The following CLDN10 variants were observed in gnomAD, a reference collection of about 807,000 sequenced individuals.
CLDN10 encodes the protein claudin 10.
Under a neutral mutation model 22.9 loss-of-function variants are expected in CLDN10, and 15 were observed. That is an observed-to-expected ratio of 0.65 (90% CI 0.44 to 1.01). The LOEUF is 1.01. CLDN10 is among the 50% of genes least tolerant of loss of function. The pLI, the probability that CLDN10 is intolerant of heterozygous loss-of-function variation, is 0.00. For synonymous variants in CLDN10, 114 were observed against 111.4 expected (o/e 1.02, Z -0.15); for missense variants, 247 against 287.8 (o/e 0.86, Z 1.03).
chr13:95,472,086 T>C (rs1225155301), intron 1 of CLDN10, among the ~76,000 whole-genome samples: 1 of 152,044 alleles, frequency 6.6e-6, no homozygotes, highest in Non-Finnish European at 1.5e-5. Flanking sequence ...GCCCAGCCTA[T>C]GGATATATTC....
chr13:95,461,267 A>G (rs1389480592), intron 1 of CLDN10, among the ~76,000 whole-genome samples: 2 of 152,144 alleles, frequency 1.3e-5, no homozygotes, highest in Admixed American at 6.5e-5. Context: ...GTTCTTAAAT[A>G]ATAGTGTGAC....
At chr13:95,551,016 GTGAACCTAACATGA>G (rs2043559335), upstream of CLDN10, among the ~76,000 whole-genome samples, 1 of 151,922 alleles carries the variant, frequency 6.6e-6, no homozygotes, top group Non-Finnish European at 1.5e-5. Context: ...TAGTTTACCA[GTGAACCTAACATGA>G]TACATCAGGA....
intron 1 of CLDN10, among the ~76,000 whole-genome samples, chr13:95,501,157 G>A (rs1298831111): frequency 2.0e-5 from 3 of 152,020 alleles, no homozygotes; most frequent in Non-Finnish European, 4.4e-5. Context: ...GGGATTACAA[G>A]TTCATGCCAC....
At chr13:95,476,544 G>T (rs1447294134) in intron 1 of CLDN10, among the ~76,000 whole-genome samples, 2 of 152,134 alleles carry the variant, frequency 1.3e-5, no homozygotes, top group Non-Finnish European at 2.9e-5. Context: ...TTGGGCATTT[G>T]GATTTCAACG....
chr13:95,563,122 CTCTCTCTCTCTCTG>C (rs2043739321), intron 3 of CLDN10, among the ~76,000 whole-genome samples: 1 of 151,652 alleles, frequency 6.6e-6, no homozygotes, highest in African/African-American at 2.4e-5. Context: ...CTCTCTCTCT[CTCTCTCTCTCTCTG>C]TCTGTATTCT....
intron 1 of CLDN10, among the ~76,000 whole-genome samples, chr13:95,518,880 C>A (rs769145322): frequency 3.3e-5 from 5 of 152,186 alleles, no homozygotes; most frequent in Non-Finnish European, 5.9e-5. Flanking sequence ...GTGATCAGCG[C>A]TATAGAATAT....
intron 1 of CLDN10, 85 bp from the exon 2 acceptor site, chr13:95,560,047 C>A: frequency 5.4e-6 from 7 of 1,290,840 alleles, no homozygotes; most frequent in Non-Finnish European, 6.5e-6. Flanking sequence ...GGAAAACAAA[C>A]ATCCAGAATG....
chr13:95,523,905 A>G (rs952288672), intron 1 of CLDN10, among the ~76,000 whole-genome samples: 2 of 152,160 alleles, frequency 1.3e-5, no homozygotes, highest in African/African-American at 2.4e-5. Context: ...TTCCCTTCTC[A>G]GTTGTGTCAA....
intron 1 of CLDN10, among the ~76,000 whole-genome samples, chr13:95,470,827 A>G (rs1366133398): frequency 6.6e-6 from 1 of 152,158 alleles, no homozygotes; most frequent in Admixed American, 6.5e-5. Flanking sequence ...TTCTCAGCCC[A>G]ACGGTGAAAG....
chr13:95,439,401 G>A (rs1451381713), intron 1 of CLDN10, among the ~76,000 whole-genome samples: 1 of 150,906 alleles, frequency 6.6e-6, no homozygotes, highest in East Asian at 1.9e-4. Context: ...TTGGAGTGCA[G>A]TAGTGCAATC....
intron 1 of CLDN10, among the ~76,000 whole-genome samples, chr13:95,542,697 C>T (rs982385719): frequency 6.6e-5 from 10 of 151,980 alleles, no homozygotes; most frequent in African/African-American, 1.2e-4. Flanking sequence ...GTTGCAGCTA[C>T]TCGGGGGGCT....
rs550233579 is a variant in CLDN10 at position 95,572,161 on chromosome 13, G to C, written c.465-5070G>C. Among the ~76,000 whole-genome samples, 22 of 152,186 alleles carry C rather than the reference G, an allele frequency of 1.4e-4. No individual in the cohort carries two copies. The East Asian group carries it at 4.2e-3, about 29-fold the overall frequency. On this transcript the variant is annotated intron_variant, in intron 3 of 4. Transcript: ENST00000299339. Reference sequence around the variant, plus strand: ...TGTGCCGGAAGAAAAGGCAGCCCGAGGGCATTCAGAAAAAAATCCTGTGCC... The same window carrying C: ...TGTGCCGGAAGAAAAGGCAGCCCGACGGCATTCAGAAAAAAATCCTGTGCC...
At chr13:95,531,634 G>A (rs189235745) in intron 1 of CLDN10, among the ~76,000 whole-genome samples, 6 of 151,582 alleles carry the variant, frequency 4.0e-5, no homozygotes, top group East Asian at 1.9e-4. Flanking sequence ...GGGTTCAAGC[G>A]ATTCTTCTAC....
At chr13:95,447,357 G>C (rs2042390741) in intron 1 of CLDN10, among the ~76,000 whole-genome samples, 2 of 152,284 alleles carry the variant, frequency 1.3e-5, no homozygotes, top group South Asian at 4.2e-4. Flanking sequence ...CGCGGCGCCT[G>C]GTTCTGTGTT....
At chr13:95,487,660 A>G (rs977382509) in intron 1 of CLDN10, among the ~76,000 whole-genome samples, 5 of 152,052 alleles carry the variant, frequency 3.3e-5, no homozygotes, top group Non-Finnish European at 7.4e-5. Context: ...CCCATTCCCT[A>G]TGGTTCTAAG....
chr13:95,506,294 C>G (rs539420032), intron 1 of CLDN10, among the ~76,000 whole-genome samples: 3 of 152,182 alleles, frequency 2.0e-5, no homozygotes, highest in African/African-American at 4.8e-5. Flanking sequence ...GCTACAGCAG[C>G]CTTCTCTTTC....
At chr13:95,478,760 T>A (rs1378934183) in intron 1 of CLDN10, among the ~76,000 whole-genome samples, 1 of 152,208 alleles carries the variant, frequency 6.6e-6, no homozygotes, top group Admixed American at 6.5e-5. Context: ...TCCGCGTTCA[T>A]CACTAACTTG....
At chr13:95,527,372 G>A (rs2043292243) in intron 1 of CLDN10, among the ~76,000 whole-genome samples, 3 of 152,256 alleles carry the variant, frequency 2.0e-5, no homozygotes, top group Non-Finnish European at 4.4e-5. Context: ...AAATACAAAT[G>A]TGTGTGTCTC....
intron 1 of CLDN10, among the ~76,000 whole-genome samples, chr13:95,535,169 C>A (rs150791502): frequency 3.3e-5 from 5 of 152,068 alleles, no homozygotes; most frequent in African/African-American, 1.2e-4. Context: ...CCTAGGATAC[C>A]TTTTGTGTCA....
Sources: gnomAD v4.1 joint callset for allele counts (sites outside exome capture counted in the v4.1 genomes callset) on GRCh38, gnomAD v4.1.1 for gene constraint, MANE v1.5 for transcripts, NCBI Gene and HGNC (gene_info 2026-07-23, HGNC 2026-07-21) for gene names.